RNF220: variants seen among roughly 807,000 people sequenced by gnomAD.
RNF220 encodes the protein ring finger protein 220.
A neutral mutation model predicts 67.1 loss-of-function variants in RNF220; 7 were observed. The ratio of observed to expected loss-of-function variants is 0.10; its 90% confidence interval spans 0.06 to 0.20. The LOEUF (loss-of-function observed/expected upper bound fraction) is 0.20, where lower values mean the gene tolerates loss of function less well. Among genes scored for constraint, RNF220 ranks in the 10% least tolerant of loss-of-function variants. The pLI, the probability that RNF220 is intolerant of heterozygous loss-of-function variation, is 1.00. For missense variants in RNF220, 565 were observed against 740.3 expected (o/e 0.76, Z 2.75); for synonymous variants, 270 against 283.2 (o/e 0.95, Z 0.47).
At chr1:44,421,765 G>A (rs1649249318) in intron 2 of RNF220, among the ~76,000 whole-genome samples, 1 of 152,074 alleles carries the variant, frequency 6.6e-6, no homozygotes, top group Non-Finnish European at 1.5e-5. Flanking sequence ...ATGGGACTTG[G>A]GAATACCAGA....
At position 44,577,891 on chromosome 1, in the gene RNF220, C is replaced by T. The variant is rs183292090; in HGVS notation, c.626-36274C>T. On this transcript the variant is annotated intron_variant, in intron 2 of 14. Transcript: ENST00000361799. ...TCACCCTATCCCCCAGGCTGGAGTGCAATGGCATGATCACAGCTCACTGCA... is the reference window on the plus strand; with the variant it reads ...TCACCCTATCCCCCAGGCTGGAGTGTAATGGCATGATCACAGCTCACTGCA... Among the ~76,000 whole-genome samples the T allele has an allele frequency of 2.7e-5, 4 of 150,628 alleles. No homozygotes were observed. In the East Asian group the frequency reaches 7.9e-4, roughly 30 times the overall value.
intron 5 of RNF220, among the ~76,000 whole-genome samples, chr1:44,628,929 G>A (rs746887365): frequency 5.3e-5 from 8 of 152,156 alleles, no homozygotes; most frequent in Admixed American, 3.3e-4. Flanking sequence ...GTATGTTTCC[G>A]TTATCTACAA....
intron 2 of RNF220, among the ~76,000 whole-genome samples, chr1:44,458,021 C>T (rs1280099673): frequency 6.6e-6 from 1 of 152,026 alleles, no homozygotes; most frequent in Non-Finnish European, 1.5e-5. Flanking sequence ...CTTTGGGAGG[C>T]TGAGGTGGGA....
intron 2 of RNF220, among the ~76,000 whole-genome samples, chr1:44,522,111 T>C (rs1659988142): frequency 6.6e-6 from 1 of 152,194 alleles, no homozygotes; most frequent in Non-Finnish European, 1.5e-5. Context: ...ACCTACAGTG[T>C]TGTTTTCTTT....
At chr1:44,556,129 G>C (rs897300590) in intron 2 of RNF220, among the ~76,000 whole-genome samples, 25 of 145,862 alleles carry the variant, frequency 1.7e-4, no homozygotes, top group Non-Finnish European at 3.3e-4. Context: ...CCGCCTCCCA[G>C]GTTCAAGCAA....
At chr1:44,590,763 G>C (rs115106845) in intron 2 of RNF220, among the ~76,000 whole-genome samples, 3 of 152,292 alleles carry the variant, frequency 2.0e-5, no homozygotes, top group African/African-American at 4.8e-5. Flanking sequence ...GTCACTCACT[G>C]TGCCAGGCCC....
At chr1:44,466,880 G>T (rs1183316912) in intron 2 of RNF220, among the ~76,000 whole-genome samples, 1 of 152,178 alleles carries the variant, frequency 6.6e-6, no homozygotes, top group Non-Finnish European at 1.5e-5. Flanking sequence ...AGGATATTTG[G>T]AATGGCAAAT....
At chr1:44,582,618 G>A (rs1270473606) in intron 2 of RNF220, among the ~76,000 whole-genome samples, 3 of 150,812 alleles carry the variant, frequency 2.0e-5, no homozygotes, top group Admixed American at 6.6e-5. Context: ...TTAGCTGGGC[G>A]TGGTGGCAGG....
chr1:44,514,644 C>A (rs1659311491), intron 2 of RNF220, among the ~76,000 whole-genome samples: 1 of 152,126 alleles, frequency 6.6e-6, no homozygotes, highest in Admixed American at 6.5e-5. Flanking sequence ...TCTCTATGGA[C>A]TAAGCTAAGA....
At chr1:44,515,345 A>G (rs1220850376) in intron 2 of RNF220, among the ~76,000 whole-genome samples, 2 of 152,188 alleles carry the variant, frequency 1.3e-5, no homozygotes, top group Non-Finnish European at 2.9e-5. Context: ...ACAATTGAGT[A>G]GATGGTTCTT....
chr1:44,514,506 A>T (rs190902016), intron 2 of RNF220, among the ~76,000 whole-genome samples: 4 of 152,284 alleles, frequency 2.6e-5, no homozygotes, highest in East Asian at 1.9e-4. Flanking sequence ...TGTGAGCTTC[A>T]CTAGAAGCTC....
intron 2 of RNF220, among the ~76,000 whole-genome samples, chr1:44,479,781 T>A (rs1655633179): frequency 6.6e-6 from 1 of 152,192 alleles, no homozygotes; most frequent in Non-Finnish European, 1.5e-5. Flanking sequence ...GTTCTCTATA[T>A]TCCCACTGAA....
intron 2 of RNF220, among the ~76,000 whole-genome samples, chr1:44,598,298 A>G (rs1203711003): frequency 6.6e-6 from 1 of 152,106 alleles, no homozygotes; most frequent in Non-Finnish European, 1.5e-5. Flanking sequence ...CTGTGTGTGT[A>G]TTGCTATTAA....
intron 2 of RNF220, among the ~76,000 whole-genome samples, chr1:44,494,894 T>C (rs1227847310): frequency 2.0e-5 from 3 of 152,186 alleles, no homozygotes; most frequent in African/African-American, 7.2e-5. Context: ...CTAAGATGCG[T>C]GCCTGGGAGT....
At chr1:44,476,838 T>G (rs1655344029) in intron 2 of RNF220, among the ~76,000 whole-genome samples, 2 of 152,146 alleles carry the variant, frequency 1.3e-5, no homozygotes, top group African/African-American at 4.8e-5. Flanking sequence ...CTAATCAAAC[T>G]TTATGAAAAA....
At chr1:44,632,463 T>G in intron 6 of RNF220, 78 bp downstream of exon 6, 1 of 1,188,764 alleles carries the variant, frequency 8.4e-7, no homozygotes, top group Non-Finnish European at 1.1e-6. Context: ...CGCTCCTGGC[T>G]TGCCTGGGTC....
At chr1:44,583,272 T>G (rs1198253447) in intron 2 of RNF220, among the ~76,000 whole-genome samples, 1 of 152,058 alleles carries the variant, frequency 6.6e-6, no homozygotes, top group Non-Finnish European at 1.5e-5. Context: ...AAACATTTAT[T>G]GAGGCTCTAA....
chr1:44,544,636 G>A (rs1661971470), intron 2 of RNF220, among the ~76,000 whole-genome samples: 1 of 152,230 alleles, frequency 6.6e-6, no homozygotes, highest in African/African-American at 2.4e-5. Context: ...TGCATCTCTA[G>A]CTCACCTTTC....
intron 2 of RNF220, among the ~76,000 whole-genome samples, chr1:44,432,606 C>T (rs1049610765): frequency 6.6e-6 from 1 of 152,042 alleles, no homozygotes; most frequent in Non-Finnish European, 1.5e-5. Flanking sequence ...TGCTATGTTG[C>T]CCAGGCTGGA....
Sources: allele counts gnomAD v4.1 joint callset (sites outside exome capture counted in the v4.1 genomes callset), GRCh38; gene constraint gnomAD v4.1.1; transcripts MANE v1.5; gene names NCBI Gene and HGNC (gene_info 2026-07-23, HGNC 2026-07-21).